The following LRRC72 variants were observed in gnomAD, a reference collection of about 807,000 sequenced individuals.
LRRC72 encodes leucine-rich repeat-containing protein 72.
In LRRC72, 41 loss-of-function variants were observed where a neutral mutation model predicts 35.8. The observed-to-expected ratio is 1.15, with a 90% CI of 0.89 to 1.49. The LOEUF (loss-of-function observed/expected upper bound fraction) is 1.49, where lower values mean the gene tolerates loss of function less well. Among genes scored for constraint, LRRC72 ranks in the 40% most tolerant of loss-of-function variants. LRRC72 has a pLI of 0.00. For synonymous variants in LRRC72, 118 were observed against 119.2 expected (o/e 0.99, Z 0.07); for missense variants, 389 against 330.7 (o/e 1.18, Z -1.37).
chr7:16,563,904 G>C (rs577858080), intron 5 of LRRC72, among the ~76,000 whole-genome samples: 5 of 152,278 alleles, frequency 3.3e-5, no homozygotes, highest in African/African-American at 1.2e-4. Context: ...CAAGTCCATA[G>C]AGTTTTTAGT....
At chr7:16,554,083 C>A (rs1216014293) in intron 3 of LRRC72, among the ~76,000 whole-genome samples, 1 of 152,138 alleles carries the variant, frequency 6.6e-6, no homozygotes, top group Non-Finnish European at 1.5e-5. Flanking sequence ...AATCCCAGCA[C>A]TTCGGGAGGC....
chr7:16,555,773 T>G (rs1161306998), intron 3 of LRRC72, among the ~76,000 whole-genome samples: 2 of 140,556 alleles, frequency 1.4e-5, no homozygotes, highest in Non-Finnish European at 3.1e-5. Context: ...AGACTCCATC[T>G]CAAAAAAAAA....
chr7:16,571,574 C>A (rs1242841373), intron 7 of LRRC72, among the ~76,000 whole-genome samples: 1 of 152,174 alleles, frequency 6.6e-6, no homozygotes, highest in East Asian at 1.9e-4. Flanking sequence ...TGTCGCCTCA[C>A]CCGGGAAGTG....
intron 3 of LRRC72, among the ~76,000 whole-genome samples, chr7:16,538,766 T>C (rs1335127611): frequency 6.6e-6 from 1 of 152,184 alleles, no homozygotes; most frequent in Non-Finnish European, 1.5e-5. Context: ...GTTCCCACAA[T>C]ATCTGATGGT....
At chr7:16,581,225 G>C (rs1341647275) in intron 8 of LRRC72, 99 bp from the exon 9 acceptor site, 1 of 1,116,596 alleles carries the variant, frequency 9.0e-7, no homozygotes, top group African/African-American at 1.6e-5. Context: ...AAATAACACA[G>C]AAAAACATGG....
Position 16,536,697 on chromosome 7 carries a change from GTA to G in LRRC72, c.165-928_165-927del, listed in dbSNP as rs200424586. Among the ~76,000 whole-genome samples, 1,139 of 152,160 alleles carry G rather than the reference GTA, an allele frequency of 7.5e-3. 19 individuals carry two copies. The highest frequency in any genetic ancestry group is 0.026 in the African/African-American group (1,072 of 41,538). ...AAATGGTTGCATGCTTTCAAAAAATGTATGTTTTTATAAAAATTAGAAAAATA... is the reference window on the plus strand; with the variant it reads ...AAATGGTTGCATGCTTTCAAAAAATGTGTTTTTATAAAAATTAGAAAAATA... On this transcript the variant is annotated intron_variant, in intron 2 of 8. Coordinates refer to ENST00000401542, the MANE Select transcript of LRRC72 (RefSeq NM_001195280.2).
Position 16,577,010 on chromosome 7 carries a change from G to T in LRRC72, c.671-3064G>T, listed in dbSNP as rs76401552. 4.6e-3 allele frequency among the ~76,000 whole-genome samples: 697 copies of T among 152,318 alleles called. 5 individuals carry two copies. Among genetic ancestry groups the T allele is most frequent in the African/African-American group, 0.016 (665 of 41,566 alleles). ...GAAAACAGATAATTGAAAGGTATGA[G>T]CTGGGAGATCAACGGCTCAGGAAAT... On this transcript the variant is annotated intron_variant, in intron 7 of 8. Coordinates refer to ENST00000401542, the MANE Select transcript of LRRC72 (RefSeq NM_001195280.2).
chr7:16,575,898 C>T (rs1783032036), intron 7 of LRRC72, among the ~76,000 whole-genome samples: 1 of 152,174 alleles, frequency 6.6e-6, no homozygotes, highest in Non-Finnish European at 1.5e-5. Context: ...TTGGTGTGAT[C>T]CCTACCTTTA....
chr7:16,529,652 A>G (rs1296425648), intron 1 of LRRC72, among the ~76,000 whole-genome samples: 2 of 150,364 alleles, frequency 1.3e-5, no homozygotes, highest in East Asian at 4.0e-4. Context: ...TGATATTAAT[A>G]TTTTGTACTG....
At chr7:16,571,173 G>C (rs2128338702) in intron 7 of LRRC72, among the ~76,000 whole-genome samples, 1 of 152,156 alleles carries the variant, frequency 6.6e-6, no homozygotes, top group South Asian at 2.1e-4. Flanking sequence ...GGCTTTCAGA[G>C]TGTAAAACAA....
At chr7:16,574,065 G>C (rs940229960) in intron 7 of LRRC72, among the ~76,000 whole-genome samples, 1 of 152,162 alleles carries the variant, frequency 6.6e-6, no homozygotes, top group Non-Finnish European at 1.5e-5. Flanking sequence ...ATCATCACTG[G>C]TTATTAGAGA....
intron 5 of LRRC72, among the ~76,000 whole-genome samples, chr7:16,564,648 T>G (rs893590872): frequency 6.6e-6 from 1 of 152,206 alleles, no homozygotes; most frequent in Non-Finnish European, 1.5e-5. Flanking sequence ...TTGTTTATTA[T>G]GTACCAGGTG....
chr7:16,536,576 T>C (rs1476415465), intron 2 of LRRC72, among the ~76,000 whole-genome samples: 1 of 152,080 alleles, frequency 6.6e-6, no homozygotes, highest in Non-Finnish European at 1.5e-5. Context: ...AAAATTACGA[T>C]GGTTATACAA....
At chr7:16,546,917 G>A (rs73297277) in intron 3 of LRRC72, among the ~76,000 whole-genome samples, 3,171 of 152,206 alleles carry the variant, frequency 0.021, 124 homozygotes, top group African/African-American at 0.073. Flanking sequence ...GTGGCAGACC[G>A]TCTGGAGCAG....
At chr7:16,540,957 A>G (rs1782346419) in intron 3 of LRRC72, among the ~76,000 whole-genome samples, 1 of 152,314 alleles carries the variant, frequency 6.6e-6, no homozygotes, top group Middle Eastern at 3.4e-3. Context: ...TAACTTCCTC[A>G]GGAAGTGTCA....
In LRRC72 at chr7:16,558,935, T is replaced by A. The variant is rs1051789967; in HGVS notation, c.363T>A (p.Asn121Lys). ...PSLHILLLHH[N>K]ELTNIDATVK... is the part of the protein sequence containing the mutation. ...TGCATATACTCCTGCTACACCACAA[T>A]GAGCTAACCAACATTGATGCAACAG... Residue 121 changes from asparagine to lysine, a missense_variant, in exon 5 of 9, where the codon AAT becomes AAA. By Grantham distance (94) the Asn-to-Lys change is moderately conservative (BLOSUM62 0). Transcript: ENST00000401542. 3 of 1,533,300 alleles carry A rather than the reference T, an allele frequency of 2.0e-6. No individual in the cohort carries two copies. The highest frequency in any genetic ancestry group is 2.8e-5 in the African/African-American group (2 of 72,576). 95.0% of individuals were successfully genotyped at this position (1,533,300 alleles called of 1,614,324 possible). A position where few individuals can be genotyped will look rare whatever the true frequency, so the allele number is the denominator to read the frequency against.
intron 3 of LRRC72, among the ~76,000 whole-genome samples, chr7:16,556,771 C>T (rs1335096422): frequency 1.3e-5 from 2 of 152,216 alleles, no homozygotes; most frequent in Non-Finnish European, 2.9e-5. Flanking sequence ...ACAAGGAGTT[C>T]AACCCTTGGT....
chr7:16,557,221 A>C, intron 3 of LRRC72, 139 bp from the exon 4 acceptor site: 1 of 244,454 alleles, frequency 4.1e-6, no homozygotes. Flanking sequence ...AAAGGTCACA[A>C]ATAAGAATAG....
chr7:16,565,190 T>A (rs1044320494), intron 5 of LRRC72, among the ~76,000 whole-genome samples: 3 of 152,186 alleles, frequency 2.0e-5, no homozygotes, highest in African/African-American at 7.2e-5. Context: ...ATGCCTGTAT[T>A]TTGGGAGGCC....
Sources: allele counts gnomAD v4.1 joint callset (sites outside exome capture counted in the v4.1 genomes callset), GRCh38; gene constraint gnomAD v4.1.1; transcripts MANE v1.5; gene names NCBI Gene and HGNC (gene_info 2026-07-23, HGNC 2026-07-21).